The following KHDRBS2 variants were observed in gnomAD, a reference collection of about 807,000 sequenced individuals.
KHDRBS2 encodes KH RNA binding domain containing, signal transduction associated 2.
Under a neutral mutation model 44.3 loss-of-function variants are expected in KHDRBS2, and 26 were observed. That is an observed-to-expected ratio of 0.59 (90% CI 0.43 to 0.81). KHDRBS2 has a LOEUF of 0.81. Among genes scored for constraint, KHDRBS2 ranks in the 40% least tolerant of loss-of-function variants. The pLI is 0.00. For synonymous variants in KHDRBS2, 194 were observed against 151.1 expected, an observed-to-expected ratio of 1.28 and a Z score of -2.08; for missense variants, 476 against 433.1, an observed-to-expected ratio of 1.10 and a Z score of -0.88.
At position 61,687,511 on chromosome 6, in the gene KHDRBS2, T is replaced by C. The variant is rs530563646; in HGVS notation, c.953-6451A>G. On this transcript the variant is annotated intron_variant, in intron 8 of 8. Transcript: ENST00000281156. ...TTCAGACCCATAGGCTTCCCTCAGA[T>C]GGATTCCTTCACTTTTGAACGGTAG... Among the ~76,000 whole-genome samples, 28 of 151,986 alleles carry C rather than the reference T, an allele frequency of 1.8e-4. No homozygotes were observed. In the South Asian group the frequency reaches 5.8e-3, roughly 31 times the overall value.
intron 1 of KHDRBS2, among the ~76,000 whole-genome samples, chr6:62,189,856 A>G (rs1824226741): frequency 6.6e-6 from 1 of 152,146 alleles, no homozygotes; most frequent in South Asian, 2.1e-4. Flanking sequence ...GCTGGGAAAA[A>G]TGTAAGTTGT....
At chr6:62,135,745 G>T (rs1420580935) in intron 2 of KHDRBS2, among the ~76,000 whole-genome samples, 1 of 151,936 alleles carries the variant, frequency 6.6e-6, no homozygotes, top group Non-Finnish European at 1.5e-5. Context: ...GCCTTAAAAA[G>T]GAAAGAGATC....
chr6:61,685,135 A>G (rs1190900852), intron 8 of KHDRBS2, among the ~76,000 whole-genome samples: 1 of 151,812 alleles, frequency 6.6e-6, no homozygotes, highest in Non-Finnish European at 1.5e-5. Context: ...TCTAACTTTC[A>G]TCATTCAGTT....
chr6:62,177,363 C>G, intron 1 of KHDRBS2, 51 bp from the exon 2 acceptor site: 1 of 1,372,576 alleles, frequency 7.3e-7, no homozygotes, highest in South Asian at 1.3e-5. Context: ...ACAATGTTAT[C>G]ATAAATATGC....
intron 1 of KHDRBS2, among the ~76,000 whole-genome samples, chr6:62,260,212 T>C (rs1459483180): frequency 6.6e-6 from 1 of 152,054 alleles, no homozygotes; most frequent in African/African-American, 2.4e-5. Context: ...ACCTGCCTTT[T>C]ATAAGATCTT....
chr6:62,224,182 G>A (rs1298615989), intron 1 of KHDRBS2, among the ~76,000 whole-genome samples: 1 of 152,156 alleles, frequency 6.6e-6, no homozygotes, highest in Non-Finnish European at 1.5e-5. Context: ...CTGCTTACAT[G>A]ACAGCAGCAA....
chr6:62,102,313 G>A (rs1191219207), intron 2 of KHDRBS2, among the ~76,000 whole-genome samples: 1 of 152,144 alleles, frequency 6.6e-6, no homozygotes, highest in Admixed American at 6.5e-5. Flanking sequence ...ATTTATAAAG[G>A]AAACAGGGTC....
At chr6:61,790,328 T>C (rs986062657) in intron 6 of KHDRBS2, among the ~76,000 whole-genome samples, 6 of 151,126 alleles carry the variant, frequency 4.0e-5, no homozygotes, top group African/African-American at 1.5e-4. Context: ...ATTTGAAAGA[T>C]GCTTAAGTGA....
chr6:61,957,742 C>T (rs142005558), intron 4 of KHDRBS2, among the ~76,000 whole-genome samples: 38 of 152,238 alleles, frequency 2.5e-4, no homozygotes, highest in African/African-American at 8.7e-4. Flanking sequence ...TCTCACCCTG[C>T]CTCCATTTAC....
chr6:62,216,349 T>C lies in KHDRBS2; in HGVS notation c.92-39037A>G, dbSNP rs541173268. On this transcript the variant is annotated intron_variant, in intron 1 of 8. Coordinates refer to ENST00000281156, the MANE Select transcript of KHDRBS2 (RefSeq NM_152688.4). ...GATTGACACTTTTGCATAAAACTAA[T>C]AGTACAATGATTTCTTTCGTGGACC... 4.0e-5 allele frequency among the ~76,000 whole-genome samples: 6 copies of C among 151,894 alleles called. No individual in the cohort carries two copies. The South Asian group carries it at 1.2e-3, about 32-fold the overall frequency.
chr6:62,114,565 C>A (rs1805765393), intron 2 of KHDRBS2, among the ~76,000 whole-genome samples: 1 of 152,016 alleles, frequency 6.6e-6, no homozygotes, highest in African/African-American at 2.4e-5. Context: ...TATTCATCAT[C>A]CAATTATATT....
chr6:62,246,117 T>TAG (rs995033755), intron 1 of KHDRBS2, among the ~76,000 whole-genome samples: 2 of 145,540 alleles, frequency 1.4e-5, no homozygotes, highest in East Asian at 4.0e-4. Flanking sequence ...TATATATATA[T>TAG]ATATATATAT....
intron 2 of KHDRBS2, among the ~76,000 whole-genome samples, chr6:62,066,177 C>A (rs956551201): frequency 6.6e-6 from 1 of 151,668 alleles, no homozygotes; most frequent in African/African-American, 2.4e-5. Flanking sequence ...CAGTCCTAAT[C>A]TTAATTATAA....
chr6:62,117,024 C>T (rs1287168227), intron 2 of KHDRBS2, among the ~76,000 whole-genome samples: 1 of 152,172 alleles, frequency 6.6e-6, no homozygotes, highest in African/African-American at 2.4e-5. Context: ...CAACCAATTA[C>T]ATATCTTGGC....
intron 2 of KHDRBS2, among the ~76,000 whole-genome samples, chr6:62,051,396 G>A (rs961888875): frequency 6.6e-6 from 1 of 151,748 alleles, no homozygotes; most frequent in Non-Finnish European, 1.5e-5. Context: ...TATAATAAAG[G>A]TCCAATTTCA....
At chr6:62,236,330 G>C (rs1833701289) in intron 1 of KHDRBS2, among the ~76,000 whole-genome samples, 1 of 151,918 alleles carries the variant, frequency 6.6e-6, no homozygotes, top group Non-Finnish European at 1.5e-5. Context: ...TTATCTAGCA[G>C]TATAATAAAA....
chr6:62,204,834 C>T (rs1206405388), intron 1 of KHDRBS2, among the ~76,000 whole-genome samples: 1 of 151,888 alleles, frequency 6.6e-6, no homozygotes, highest in Non-Finnish European at 1.5e-5. Flanking sequence ...ATGCAGGTTT[C>T]ACATCCTGTG....
At chr6:61,618,189 A>G in the KHDRBS2 span, among the ~76,000 whole-genome samples, 1 of 152,110 alleles carries the variant, frequency 6.6e-6, no homozygotes, top group African/African-American at 2.4e-5. Context: ...TAGAGACTCT[A>G]CCTTTTGTGG....
At chr6:62,081,405 G>A (rs754741438) in intron 2 of KHDRBS2, among the ~76,000 whole-genome samples, 4 of 152,066 alleles carry the variant, frequency 2.6e-5, no homozygotes, top group Admixed American at 6.6e-5. Flanking sequence ...TTTTTCAATG[G>A]GAAAATTAAA....
Sources: allele counts gnomAD v4.1 joint callset (sites outside exome capture counted in the v4.1 genomes callset), GRCh38; gene constraint gnomAD v4.1.1; transcripts MANE v1.5; gene names NCBI Gene and HGNC (gene_info 2026-07-23, HGNC 2026-07-21).